CECR2: variants seen among roughly 807,000 people sequenced by gnomAD.
CECR2 encodes the protein CECR2 histone acetyl-lysine reader.
A neutral mutation model predicts 154.5 loss-of-function variants in CECR2; 30 were observed. The ratio of observed to expected loss-of-function variants is 0.19; its 90% CI spans 0.15 to 0.26. The LOEUF (loss-of-function observed/expected upper bound fraction) is 0.26, where lower values mean the gene tolerates loss of function less well. Among genes scored for constraint, CECR2 ranks in the 10% least tolerant of loss-of-function variants. The probability of loss-of-function intolerance (pLI) is 1.00; values close to 1 mark genes in which losing one functional copy is unlikely to be tolerated. For missense variants in CECR2, 1,743 were observed against 1,829.3 expected (o/e 0.95, Z 0.86); for synonymous variants, 725 against 683.7 (o/e 1.06, Z -0.94).
intron 7 of CECR2, among the ~76,000 whole-genome samples, chr22:17,511,392 ACTG>A (rs2055949011): frequency 6.6e-6 from 1 of 151,530 alleles, no homozygotes; most frequent in Non-Finnish European, 1.5e-5. Context: ...CTCACTTCTC[ACTG>A]CTGCCACTGT....
intron 1 of CECR2, among the ~76,000 whole-genome samples, chr22:17,371,906 A>G (rs2063066003): frequency 6.6e-6 from 1 of 152,242 alleles, no homozygotes; most frequent in South Asian, 2.1e-4. Flanking sequence ...GTCTTCTGTT[A>G]TAAGCAATAA....
intron 7 of CECR2, among the ~76,000 whole-genome samples, chr22:17,511,029 G>C (rs1184976683): frequency 2.0e-5 from 3 of 152,126 alleles, no homozygotes; most frequent in Non-Finnish European, 2.9e-5. Flanking sequence ...TTACCTAATG[G>C]ATTAAGTGGT....
chr22:17,425,422 T>C (rs945809964), intron 1 of CECR2, among the ~76,000 whole-genome samples: 6 of 152,178 alleles, frequency 3.9e-5, no homozygotes, highest in African/African-American at 1.4e-4. Context: ...TACATATTTA[T>C]TGAGGGCCTA....
intron 1 of CECR2, among the ~76,000 whole-genome samples, chr22:17,405,308 A>G (rs1020782268): frequency 1.3e-5 from 2 of 152,166 alleles, no homozygotes; most frequent in Non-Finnish European, 2.9e-5. Flanking sequence ...GCTACTCAGG[A>G]GGCTGAGGCA....
intron 9 of CECR2, among the ~76,000 whole-genome samples, chr22:17,528,600 A>T (rs565626169): frequency 3.3e-4 from 50 of 152,110 alleles, no homozygotes; most frequent in African/African-American, 1.2e-3. Flanking sequence ...CAGTGGCATG[A>T]TCTGGTCTCA....
intron 1 of CECR2, among the ~76,000 whole-genome samples, chr22:17,459,146 T>C (rs940661147): frequency 7.2e-5 from 11 of 152,222 alleles, no homozygotes; most frequent in Non-Finnish European, 1.2e-4. Context: ...AAAGGATTGA[T>C]TTTAGTTGTC....
chr22:17,516,418 A>G (rs1195369752), intron 8 of CECR2, among the ~76,000 whole-genome samples: 2 of 152,116 alleles, frequency 1.3e-5, no homozygotes, highest in Non-Finnish European at 2.9e-5. Flanking sequence ...GCATATTACG[A>G]TAAATCCCTT....
chr22:17,386,812 A>C (rs535139541), intron 1 of CECR2, among the ~76,000 whole-genome samples: 1 of 152,044 alleles, frequency 6.6e-6, no homozygotes, highest in Admixed American at 6.5e-5. Context: ...CACCACGCCC[A>C]GCTAATTTTT....
In CECR2 at chr22:17,537,097, T is replaced by C; in HGVS notation, c.1109-6T>C. 1 of 1,613,370 alleles carries C rather than the reference T, an allele frequency of 6.2e-7. No individual in the cohort carries two copies. On this transcript the variant is annotated splice_polypyrimidine_tract_variant and splice_region_variant and intron_variant, in intron 9 of 18. Transcript: ENST00000262608. ...TTAGCTCACTCAGCCTTTGTGTTCA[T>C]TGTAGATCGAGCGAAGAGGAGAAAG...
chr22:17,518,592 G>C, intron 8 of CECR2: 1 of 347,454 alleles, frequency 2.9e-6, no homozygotes, highest in Non-Finnish European at 5.7e-6. Flanking sequence ...CAGCTGTCAC[G>C]TCTATCTTTA....
At position 17,542,153 on chromosome 22, in the gene CECR2, C is replaced by G. The variant is rs2056533994; in HGVS notation, c.2014-4C>G. Reference sequence around the variant, plus strand: ...GTAACTGTGCTGCCTTTTCTCGTTGCCAGCCTCCAGTTGGAATTAACAGCC... The same window carrying G: ...GTAACTGTGCTGCCTTTTCTCGTTGGCAGCCTCCAGTTGGAATTAACAGCC... On this transcript the variant is annotated splice_region_variant and splice_polypyrimidine_tract_variant and intron_variant, in intron 15 of 18. Coordinates refer to ENST00000262608, the MANE Select transcript of CECR2 (RefSeq NM_001290047.2). 6.2e-7 allele frequency: 1 copy of G among 1,606,512 alleles called. No homozygotes were observed. Among genetic ancestry groups the G allele is most frequent in the Non-Finnish European group, 8.5e-7 (1 of 1,174,526 alleles).
At chr22:17,379,962 CCTT>C (rs2063167453) in intron 1 of CECR2, among the ~76,000 whole-genome samples, 2 of 152,058 alleles carry the variant, frequency 1.3e-5, no homozygotes, top group Non-Finnish European at 2.9e-5. Context: ...ATCTCCAAGT[CCTT>C]CTTTTCCATC....
intron 1 of CECR2, among the ~76,000 whole-genome samples, chr22:17,381,927 A>G (rs9605269): frequency 0.77 from 116,386 of 151,170 alleles, 44,889 homozygotes; most frequent in East Asian, 0.89. Context: ...TCACTCTGTC[A>G]CCCAGGCTGG....
intron 10 of CECR2, among the ~76,000 whole-genome samples, chr22:17,538,085 G>A (rs2147012891): frequency 6.6e-6 from 1 of 151,970 alleles, no homozygotes; most frequent in Non-Finnish European, 1.5e-5. Context: ...AGGCATGGTA[G>A]CACACACCCG....
chr22:17,458,820 T>G (rs760308358), intron 1 of CECR2, among the ~76,000 whole-genome samples: 34 of 152,132 alleles, frequency 2.2e-4, no homozygotes, highest in Admixed American at 6.5e-5. Context: ...GTTTCTTGAG[T>G]TTACTGTTTG....
chr22:17,369,237 G>A (rs80045382), upstream of CECR2: 15,158 of 151,694 alleles, frequency 0.1, 934 homozygotes, highest in African/African-American at 0.17. Context: ...AGGGCGGAGG[G>A]CGCCTCGTGA....
intron 1 of CECR2, among the ~76,000 whole-genome samples, chr22:17,421,539 C>T (rs1020966454): frequency 2.9e-5 from 4 of 138,158 alleles, no homozygotes; most frequent in African/African-American, 5.4e-5. Context: ...GGCGTGAACC[C>T]GGGAGGCGGA....
chr22:17,423,108 TG>T (rs2054281184), intron 1 of CECR2, among the ~76,000 whole-genome samples: 1 of 152,140 alleles, frequency 6.6e-6, no homozygotes, highest in Admixed American at 6.5e-5. Flanking sequence ...CAGGATATAC[TG>T]GGTGAAGTAG....
At position 17,523,872 on chromosome 22, in the gene CECR2, T is replaced by G. The variant is rs185887745; in HGVS notation, c.955-246T>G. ...CTCTCCAGTAAATTATCCATAAGAT[T>G]GTCTCCTAAATACCACAAATTATAT... On this transcript the variant is annotated intron_variant, in intron 8 of 18. Transcript: ENST00000262608. Among the ~76,000 whole-genome samples the G allele has an allele frequency of 2.4e-3, 361 of 152,298 alleles. 2 individuals carry two copies. The highest frequency in any genetic ancestry group is 2.3e-3 in the Admixed American group (35 of 15,280).
Sources: gnomAD v4.1 joint callset for allele counts (sites outside exome capture counted in the v4.1 genomes callset) on GRCh38, gnomAD v4.1.1 for gene constraint, MANE v1.5 for transcripts, NCBI Gene and HGNC (gene_info 2026-07-23, HGNC 2026-07-21) for gene names.